Variants in ARHGAP24 observed in about 807,000 individuals in gnomAD.
The protein encoded by ARHGAP24 is Rho GTPase activating protein 24.
A neutral mutation model predicts 76.4 loss-of-function variants in ARHGAP24; 50 were observed. That is an observed-to-expected ratio of 0.65 (90% CI 0.52 to 0.83). The LOEUF (loss-of-function observed/expected upper bound fraction) is 0.83. ARHGAP24 is among the 40% of genes least tolerant of loss of function. ARHGAP24 has a pLI of 0.00. For synonymous variants in ARHGAP24, 345 were observed against 323.3 expected, an observed-to-expected ratio of 1.07 and a Z score of -0.72; for missense variants, 930 against 914.2, an observed-to-expected ratio of 1.02 and a Z score of -0.22.
chr4:85,998,116 T>C (rs1204313948), intron 9 of ARHGAP24, among the ~76,000 whole-genome samples: 1 of 152,224 alleles, frequency 6.6e-6, no homozygotes, highest in Admixed American at 6.5e-5. Flanking sequence ...ATTCAAAGCT[T>C]CTGTATTTCT....
At chr4:85,740,421 C>A (rs1056024152) in intron 3 of ARHGAP24, among the ~76,000 whole-genome samples, 1 of 151,960 alleles carries the variant, frequency 6.6e-6, no homozygotes, top group African/African-American at 2.4e-5. Context: ...CAGGGTTTCA[C>A]CATGTTGGCC....
chr4:85,830,026 C>T (rs1729909869), intron 3 of ARHGAP24, among the ~76,000 whole-genome samples: 1 of 152,192 alleles, frequency 6.6e-6, no homozygotes, highest in African/African-American at 2.4e-5. Flanking sequence ...ACATTTACTT[C>T]TATGCAATTA....
At chr4:85,658,538 G>A (rs536958450) in intron 2 of ARHGAP24, among the ~76,000 whole-genome samples, 1 of 152,298 alleles carries the variant, frequency 6.6e-6, no homozygotes, top group Admixed American at 6.5e-5. Flanking sequence ...GTAGGATCAA[G>A]TACACAGTAA....
chr4:85,797,317 C>G, intron 3 of ARHGAP24, among the ~76,000 whole-genome samples: 1 of 151,946 alleles, frequency 6.6e-6, no homozygotes. Context: ...GGACTACAGG[C>G]GCCCGCCACC....
rs545665524 is a variant in ARHGAP24 at position 85,546,327 on chromosome 4, A to T, written c.-20-24195A>T. Among the ~76,000 whole-genome samples, 4 of 149,462 alleles carry T rather than the reference A, an allele frequency of 2.7e-5. No homozygotes were observed. In the South Asian group the frequency reaches 8.4e-4, roughly 32 times the overall value. ...GTTTTCTAAACTGAGGCATGAAATT[A>T]AAAAAAAAAGATAAGATGCTAAAAT... On this transcript the variant is annotated intron_variant, in intron 1 of 9. Transcript: ENST00000395184.
At chr4:85,930,149 T>C (rs528207588) in intron 4 of ARHGAP24, 42 of 752,972 alleles carry the variant, frequency 5.6e-5, no homozygotes, top group Non-Finnish European at 6.6e-5. Context: ...CAGTTCTCAT[T>C]GAGAAAAGGG....
chr4:85,730,009 C>A (rs1244551714), intron 3 of ARHGAP24, among the ~76,000 whole-genome samples: 1 of 152,128 alleles, frequency 6.6e-6, no homozygotes, highest in Middle Eastern at 3.2e-3. Context: ...CAGCCTGTCT[C>A]CCCAGGCCAT....
intron 3 of ARHGAP24, among the ~76,000 whole-genome samples, chr4:85,834,077 G>A (rs1175823886): frequency 3.3e-5 from 5 of 152,144 alleles, no homozygotes; most frequent in African/African-American, 1.2e-4. Flanking sequence ...TAATCAAAAA[G>A]CTAACCTGTG....
At chr4:85,532,515 G>A (rs535139703) in intron 1 of ARHGAP24, among the ~76,000 whole-genome samples, 70 of 152,134 alleles carry the variant, frequency 4.6e-4, no homozygotes, top group African/African-American at 1.6e-3. Context: ...GATTAAAATT[G>A]GTATTGTACA....
intron 1 of ARHGAP24, among the ~76,000 whole-genome samples, chr4:85,554,826 A>T (rs1578031053): frequency 9.6e-6 from 1 of 104,508 alleles, no homozygotes. Context: ...GCCCGCTATC[A>T]CGCCCAGCTG....
chr4:85,666,079 G>T (rs139915529), intron 2 of ARHGAP24, among the ~76,000 whole-genome samples: 4,458 of 152,254 alleles, frequency 0.029, 203 homozygotes, highest in African/African-American at 0.1. Context: ...CTAGATTGGG[G>T]AAGTTCTCCT....
intron 3 of ARHGAP24, among the ~76,000 whole-genome samples, chr4:85,867,371 A>G (rs919617259): frequency 1.3e-5 from 2 of 152,188 alleles, no homozygotes; most frequent in Non-Finnish European, 2.9e-5. Context: ...TTACACTCAA[A>G]GTCAAAAGTA....
intron 2 of ARHGAP24, among the ~76,000 whole-genome samples, chr4:85,620,704 GTTTTTC>G (rs1720688920): frequency 6.6e-6 from 1 of 151,482 alleles, no homozygotes; most frequent in African/African-American, 2.4e-5. Context: ...GGCTTAAGTT[GTTTTTC>G]TTTTTCTAGT....
chr4:85,929,908 G>T (rs1433480018), intron 4 of ARHGAP24, among the ~76,000 whole-genome samples: 3 of 152,192 alleles, frequency 2.0e-5, no homozygotes, highest in African/African-American at 7.2e-5. Flanking sequence ...GGTGCCCTGT[G>T]ATTTCTGGAG....
intron 1 of ARHGAP24, among the ~76,000 whole-genome samples, chr4:85,496,600 G>C (rs909892786): frequency 1.3e-5 from 2 of 152,138 alleles, no homozygotes; most frequent in African/African-American, 2.4e-5. Flanking sequence ...TCACAACCGT[G>C]AAGTTCAACA....
intron 1 of ARHGAP24, among the ~76,000 whole-genome samples, chr4:85,501,572 GT>G (rs564204816): frequency 5.3e-5 from 8 of 152,198 alleles, no homozygotes; most frequent in African/African-American, 1.9e-4. Flanking sequence ...TGATGGGGTT[GT>G]TTTTTTCTTG....
chr4:85,804,673 T>C (rs1374902037), intron 3 of ARHGAP24, among the ~76,000 whole-genome samples: 1 of 152,236 alleles, frequency 6.6e-6, no homozygotes, highest in African/African-American at 2.4e-5. Context: ...CCTCAATCAA[T>C]TAATTTTTAA....
chr4:85,526,252 T>G (rs1368812017), intron 1 of ARHGAP24, among the ~76,000 whole-genome samples: 1 of 151,876 alleles, frequency 6.6e-6, no homozygotes, highest in African/African-American at 2.4e-5. Context: ...TCTATAAAAA[T>G]TAGCTGGGCG....
chr4:85,938,565 G>A (rs2148822664), intron 4 of ARHGAP24, among the ~76,000 whole-genome samples: 1 of 152,176 alleles, frequency 6.6e-6, no homozygotes, highest in East Asian at 1.9e-4. Context: ...ACCATTTTAA[G>A]CCAGAAGTGT....
Sources: allele counts gnomAD v4.1 joint callset (sites outside exome capture counted in the v4.1 genomes callset), GRCh38; gene constraint gnomAD v4.1.1; transcripts MANE v1.5; gene names NCBI Gene and HGNC (gene_info 2026-07-23, HGNC 2026-07-21).